Variants in JCAD observed in about 807,000 individuals in gnomAD.
JCAD encodes junctional cadherin 5 associated.
In JCAD, 40 loss-of-function variants were observed where a neutral mutation model predicts 98.0. That is an observed-to-expected ratio of 0.41 (90% CI 0.32 to 0.53). The LOEUF (loss-of-function observed/expected upper bound fraction) is 0.53, where lower values mean the gene tolerates loss of function less well. Ranked by LOEUF, JCAD falls within the 20% of genes least tolerant of loss-of-function variation. JCAD has a pLI of 0.31. For missense variants in JCAD, 1,705 were observed against 1,738.1 expected (o/e 0.98, Z 0.34); for synonymous variants, 691 against 682.3 (o/e 1.01, Z -0.20).
chr10:30,084,096 A>G (rs1273127532), intron 1 of JCAD, among the ~76,000 whole-genome samples: 1 of 151,640 alleles, frequency 6.6e-6, no homozygotes, highest in Non-Finnish European at 1.5e-5. Context: ...AGAGAAAGAA[A>G]GGGAGAAAGA....
In JCAD at chr10:30,027,571, A is replaced by ACTGCTG. The variant is rs34594193; in HGVS notation, c.2571_2576dup (p.Ser858_Ser859dup). On this transcript the variant is annotated inframe_insertion, in exon 3 of 4. Coordinates refer to ENST00000375377, the MANE Select transcript of JCAD (RefSeq NM_020848.4). Reference sequence around the variant, plus strand: ...GCTGCGGCTCCGCCTCACTCTCCTCACTGCTGCTGCTGCTGCTGCTGCTGC... The same window carrying ACTGCTG: ...GCTGCGGCTCCGCCTCACTCTCCTCACTGCTGCTGCTGCTGCTGCTGCTGCTGCTGC... The ACTGCTG allele has an allele frequency of 2.2e-4, 353 of 1,612,404 alleles. No individual in the cohort carries two copies. Among genetic ancestry groups the ACTGCTG allele is most frequent in the African/African-American group, 5.6e-4 (42 of 74,460 alleles).
chr10:30,087,312 G>A (rs775741442), intron 1 of JCAD, among the ~76,000 whole-genome samples: 4 of 152,100 alleles, frequency 2.6e-5, no homozygotes, highest in Non-Finnish European at 4.4e-5. Context: ...GGTGGTGGGT[G>A]CCTGTAATCC....
At chr10:30,042,872 G>A (rs993432182) in intron 2 of JCAD, among the ~76,000 whole-genome samples, 2 of 152,186 alleles carry the variant, frequency 1.3e-5, no homozygotes, top group Non-Finnish European at 2.9e-5. Context: ...TCTTCAGCCT[G>A]GGGGCAAGGA....
chr10:30,102,916 C>T (rs1838496049), intron 1 of JCAD, among the ~76,000 whole-genome samples: 2 of 152,086 alleles, frequency 1.3e-5, no homozygotes, highest in Non-Finnish European at 2.9e-5. Context: ...TTTATGAAAC[C>T]ATCAGACCTC....
At chr10:30,042,273 G>A (rs1455680097) in intron 2 of JCAD, among the ~76,000 whole-genome samples, 14 of 152,120 alleles carry the variant, frequency 9.2e-5, no homozygotes, top group Middle Eastern at 3.2e-3. Flanking sequence ...GTCCTCACCC[G>A]CAGCACCTGC....
chr10:30,078,479 C>T (rs1194579247), intron 1 of JCAD, among the ~76,000 whole-genome samples: 2 of 152,248 alleles, frequency 1.3e-5, no homozygotes, highest in East Asian at 3.9e-4. Flanking sequence ...AGGCAATTCA[C>T]CCATCAAGCC....
At chr10:30,049,226 C>A (rs78262528) in intron 1 of JCAD, among the ~76,000 whole-genome samples, 2 of 152,186 alleles carry the variant, frequency 1.3e-5, no homozygotes, top group African/African-American at 4.8e-5. Context: ...GAGAGACACA[C>A]AAAAGCCACA....
chr10:30,112,338 G>A (rs533749937), intron 1 of JCAD, among the ~76,000 whole-genome samples: 2 of 151,886 alleles, frequency 1.3e-5, no homozygotes, highest in South Asian at 4.2e-4. Context: ...AATTAGCTGG[G>A]TACAACAGCA....
At chr10:30,055,466 CTAAGG>C (rs1837551786) in intron 1 of JCAD, among the ~76,000 whole-genome samples, 1 of 152,090 alleles carries the variant, frequency 6.6e-6, no homozygotes, top group African/African-American at 2.4e-5. Context: ...AGATTTTTTC[CTAAGG>C]GTAGAATTGT....
At chr10:30,106,734 C>T (rs1019049695) in intron 1 of JCAD, among the ~76,000 whole-genome samples, 9 of 152,202 alleles carry the variant, frequency 5.9e-5, no homozygotes, top group African/African-American at 2.2e-4. Flanking sequence ...CTCCTGACCT[C>T]AGGTGATCTG....
chr10:30,087,029 A>ACGT (rs1266300076), intron 1 of JCAD, among the ~76,000 whole-genome samples: 2 of 152,140 alleles, frequency 1.3e-5, no homozygotes, highest in Non-Finnish European at 2.9e-5. Context: ...CCAATTAAGC[A>ACGT]CGTAGTGTGG....
chr10:30,022,111 T>C (rs957676538), intron 3 of JCAD, among the ~76,000 whole-genome samples: 1 of 152,184 alleles, frequency 6.6e-6, no homozygotes, highest in Non-Finnish European at 1.5e-5. Flanking sequence ...CCAGCAAAGA[T>C]GGGAGTCTGT....
In JCAD at chr10:30,026,586, C is replaced by G; in HGVS notation, c.3562G>C (p.Val1188Leu). 6.2e-7 allele frequency: 1 copy of G among 1,614,094 alleles called. No homozygotes were observed. Among genetic ancestry groups the G allele is most frequent in the African/African-American group, 1.3e-5 (1 of 75,052 alleles). ...VDGVVTSTDP[V>L]PEPEPSPLES... ...AAGGGGCTGGGCTCAGGCTCAGGGA[C>G]AGGGTCTGTGCTGGTGACAACCCCG... The change falls in exon 3 of 4, where the codon GTC becomes CTC. Residue 1188 changes from valine (V) to leucine (L), a missense_variant. Physicochemically the swap from Val to Leu is conservative, Grantham distance 32. This residue lies in a region of JCAD where 1,278 missense variants were observed against 1,243.1 expected (regional missense o/e 1.03). Coordinates refer to ENST00000375377, the MANE Select transcript of JCAD (RefSeq NM_020848.4).
intron 2 of JCAD, among the ~76,000 whole-genome samples, chr10:30,033,760 C>A (rs191212790): frequency 2.0e-5 from 3 of 152,196 alleles, no homozygotes; most frequent in African/African-American, 7.2e-5. Context: ...AGCAACAGTG[C>A]GTGAAGCCTG....
At chr10:30,081,777 C>T (rs145699877) in intron 1 of JCAD, among the ~76,000 whole-genome samples, 18 of 152,244 alleles carry the variant, frequency 1.2e-4, no homozygotes, top group Admixed American at 2.0e-4. Context: ...GCAGCAGTAC[C>T]GACATGCCGC....
At chr10:30,068,662 A>G (rs1033636641) in intron 2 of JCAD, among the ~76,000 whole-genome samples, 3 of 152,182 alleles carry the variant, frequency 2.0e-5, no homozygotes, top group African/African-American at 7.2e-5. Flanking sequence ...TTCATTAATC[A>G]CAGGGCCAAA....
intron 2 of JCAD, among the ~76,000 whole-genome samples, chr10:30,031,722 G>C (rs1001266423): frequency 6.8e-6 from 1 of 147,136 alleles, no homozygotes; most frequent in African/African-American, 2.5e-5. Flanking sequence ...GATTAGAGGA[G>C]TGAGCCACTG....
chr10:30,070,999 G>A (rs1044455766), intron 1 of JCAD, among the ~76,000 whole-genome samples: 9 of 152,088 alleles, frequency 5.9e-5, no homozygotes, highest in East Asian at 1.9e-4. Flanking sequence ...TCCCCCTCCC[G>A]AGTTCAAGCA....
chr10:30,038,104 A>G (rs1837154458), intron 2 of JCAD, among the ~76,000 whole-genome samples: 2 of 152,006 alleles, frequency 1.3e-5, no homozygotes. Context: ...GCTTCAGTAG[A>G]CTTTTGATTT....
Sources: allele counts gnomAD v4.1 joint callset (sites outside exome capture counted in the v4.1 genomes callset), GRCh38; gene constraint gnomAD v4.1.1; regional missense constraint gnomAD v4.1.1; transcripts MANE v1.5; gene names NCBI Gene and HGNC (gene_info 2026-07-23, HGNC 2026-07-21).